GABRG3: variants seen among roughly 807,000 people sequenced by gnomAD.
GABRG3 encodes the protein gamma-aminobutyric acid receptor subunit gamma-3.
GABRG3 carries 25 observed loss-of-function variants against 48.8 expected under a neutral mutation model. The observed-to-expected ratio is 0.51, with a 90% CI of 0.37 to 0.72. The LOEUF (loss-of-function observed/expected upper bound fraction) is 0.72, where lower values mean the gene tolerates loss of function less well. Ranked by LOEUF, GABRG3 falls within the 30% of genes least tolerant of loss-of-function variation. The pLI is 0.00. For synonymous variants in GABRG3, 227 were observed against 217.6 expected (o/e 1.04, Z -0.38); for missense variants, 394 against 577.9 (o/e 0.68, Z 3.26).
chr15:27,035,084 T>C (rs1896152693), intron 3 of GABRG3, among the ~76,000 whole-genome samples: 1 of 152,118 alleles, frequency 6.6e-6, no homozygotes, highest in Admixed American at 6.5e-5. Flanking sequence ...ATCTGGAAGA[T>C]GAAAGGACCA....
intron 3 of GABRG3, among the ~76,000 whole-genome samples, chr15:27,248,367 T>G (rs993880440): frequency 6.6e-6 from 1 of 152,186 alleles, no homozygotes; most frequent in East Asian, 1.9e-4. Flanking sequence ...CCAGTGTGGC[T>G]GATGGGTCCA....
At chr15:27,415,227 CT>C (rs564687230) in intron 5 of GABRG3, among the ~76,000 whole-genome samples, 244 of 152,016 alleles carry the variant, frequency 1.6e-3, no homozygotes, top group African/African-American at 5.5e-3. Context: ...TCCATTATTT[CT>C]GTTTTTTTCT....
chr15:27,413,181 A>G (rs886230185), intron 5 of GABRG3, among the ~76,000 whole-genome samples: 9 of 152,216 alleles, frequency 5.9e-5, no homozygotes, highest in African/African-American at 2.2e-4. Flanking sequence ...AAAAAGTTTT[A>G]TAGATAATGT....
At chr15:27,372,072 ATTAAG>A (rs1182645414) in intron 5 of GABRG3, among the ~76,000 whole-genome samples, 1 of 152,152 alleles carries the variant, frequency 6.6e-6, no homozygotes, top group Non-Finnish European at 1.5e-5. Context: ...GTAATATTTT[ATTAAG>A]TTAATAAAAA....
intron 3 of GABRG3, among the ~76,000 whole-genome samples, chr15:27,216,099 C>G (rs993067597): frequency 6.6e-6 from 1 of 152,168 alleles, no homozygotes; most frequent in African/African-American, 2.4e-5. Context: ...GGAGCATTTG[C>G]TCAGTTGCAG....
At chr15:27,412,297 A>G (rs1431395187) in intron 5 of GABRG3, among the ~76,000 whole-genome samples, 1 of 152,036 alleles carries the variant, frequency 6.6e-6, no homozygotes, top group Non-Finnish European at 1.5e-5. Context: ...GAACATTTCC[A>G]CCATCCTATG....
At chr15:27,287,673 T>C (rs1891659110) in intron 3 of GABRG3, among the ~76,000 whole-genome samples, 1 of 152,088 alleles carries the variant, frequency 6.6e-6, no homozygotes, top group African/African-American at 2.4e-5. Flanking sequence ...CTTTATAATT[T>C]CTGATGTTGA....
At chr15:27,485,203 G>A (rs1159625784) in intron 6 of GABRG3, among the ~76,000 whole-genome samples, 2 of 152,160 alleles carry the variant, frequency 1.3e-5, no homozygotes, top group Non-Finnish European at 2.9e-5. Flanking sequence ...TCCACCTTAC[G>A]AGTCTGGCAA....
chr15:27,475,751 G>C (rs1392036691), intron 5 of GABRG3, among the ~76,000 whole-genome samples: 1 of 151,962 alleles, frequency 6.6e-6, no homozygotes, highest in African/African-American at 2.4e-5. Flanking sequence ...TGATGATCGT[G>C]ATGGTGACAA....
intron 2 of GABRG3, among the ~76,000 whole-genome samples, chr15:26,978,151 A>G (rs1026446532): frequency 3.9e-5 from 6 of 151,906 alleles, no homozygotes; most frequent in African/African-American, 1.5e-4. Context: ...TTCTCATTGA[A>G]TTGTCCCTTC....
At chr15:26,986,509 A>G (rs1175604250) in intron 2 of GABRG3, among the ~76,000 whole-genome samples, 3 of 152,072 alleles carry the variant, frequency 2.0e-5, no homozygotes, top group East Asian at 1.9e-4. Flanking sequence ...GACCCTTCGC[A>G]CACACACCTG....
rs773191845 is a variant in GABRG3, at chr15:27,527,613, C to G, written c.1046C>G (p.Thr349Arg). The change falls in exon 8 of 10, where the codon ACG (threonine) becomes AGG (arginine). Residue 349 changes from threonine to arginine, a missense_variant. Physicochemically the swap from Thr to Arg is moderately conservative, Grantham distance 71. This residue lies in a region of GABRG3 where 126 missense variants were observed against 155.5 expected (regional missense o/e 0.81). Coordinates refer to ENST00000615808, the MANE Select transcript of GABRG3 (RefSeq NM_033223.5). ...TCCAGCTGTAGAAAACCAACCACCA[C>G]GAAGAAGACAACATCGGTGAGCTGC... ...YYSSCRKPTT[T>R]KKTTSLLHPD... The G allele has an allele frequency of 6.2e-7, 1 of 1,610,642 alleles. No homozygotes were observed. Among genetic ancestry groups the G allele is most frequent in the South Asian group, 1.1e-5 (1 of 90,494 alleles).
chr15:26,999,059 C>A (rs1013367674), intron 2 of GABRG3, among the ~76,000 whole-genome samples: 3 of 150,986 alleles, frequency 2.0e-5, no homozygotes, highest in South Asian at 2.1e-4. Context: ...CTTTTTTGAC[C>A]TGTCAGTTGG....
chr15:27,336,246 AAAG>A (rs1414505074), intron 5 of GABRG3, among the ~76,000 whole-genome samples: 1 of 146,388 alleles, frequency 6.8e-6, no homozygotes, highest in African/African-American at 2.7e-5. Flanking sequence ...AGAAGAAAAG[AAAG>A]AAAGAAAAAG....
chr15:27,033,965 A>G (rs778749711), intron 3 of GABRG3, among the ~76,000 whole-genome samples: 1 of 152,154 alleles, frequency 6.6e-6, no homozygotes, highest in African/African-American at 2.4e-5. Flanking sequence ...AATTGGCATT[A>G]CTGGCAAGCT....
intron 2 of GABRG3, among the ~76,000 whole-genome samples, chr15:27,023,700 C>T (rs1895937282): frequency 6.6e-6 from 1 of 152,194 alleles, no homozygotes; most frequent in Non-Finnish European, 1.5e-5. Context: ...TTTTTTAAAT[C>T]CATTCATTTG....
intron 3 of GABRG3, among the ~76,000 whole-genome samples, chr15:27,230,655 A>G (rs749439763): frequency 3.9e-5 from 6 of 152,088 alleles, no homozygotes; most frequent in Non-Finnish European, 8.8e-5. Context: ...CCTCTGTTTC[A>G]TTTCACCCTT....
intron 2 of GABRG3, among the ~76,000 whole-genome samples, chr15:27,025,322 C>G (rs1268082707): frequency 6.6e-6 from 1 of 152,214 alleles, no homozygotes; most frequent in Non-Finnish European, 1.5e-5. Flanking sequence ...ACTTAACACC[C>G]TTTGGTATAG....
intron 5 of GABRG3, chr15:27,341,053 T>C (rs541147434): frequency 4.3e-6 from 2 of 469,476 alleles, no homozygotes; most frequent in South Asian, 3.2e-5. Context: ...CCTGAAAGCT[T>C]CTTCAAACTA....
Sources: allele counts gnomAD v4.1 joint callset (sites outside exome capture counted in the v4.1 genomes callset), GRCh38; gene constraint gnomAD v4.1.1; regional missense constraint gnomAD v4.1.1; transcripts MANE v1.5; gene names NCBI Gene and HGNC (gene_info 2026-07-23, HGNC 2026-07-21).